The following ATP2A2 variants were observed in gnomAD, a reference collection of about 807,000 sequenced individuals.
ATP2A2 encodes ATPase sarcoplasmic/endoplasmic reticulum Ca2+ transporting 2.
Under a neutral mutation model 109.3 loss-of-function variants are expected in ATP2A2, and 14 were observed. The observed-to-expected ratio is 0.13, with a 90% confidence interval of 0.08 to 0.20. The LOEUF (loss-of-function observed/expected upper bound fraction) is 0.20. ATP2A2 is among the 10% of genes least tolerant of loss of function. The pLI, the probability that ATP2A2 is intolerant of heterozygous loss-of-function variation, is 1.00. For synonymous variants in ATP2A2, 506 were observed against 490.9 expected, an observed-to-expected ratio of 1.03 and a Z score of -0.41; for missense variants, 657 against 1,321.6, an observed-to-expected ratio of 0.50 and a Z score of 7.80.
chr12:110,316,491 G>A (rs1592831891), intron 5 of ATP2A2, among the ~76,000 whole-genome samples: 1 of 152,240 alleles, frequency 6.6e-6, no homozygotes, highest in Admixed American at 6.5e-5. Context: ...CTTCAACTTG[G>A]TAATTAGAAG....
chr12:110,334,877 C>T (rs1198007984), intron 11 of ATP2A2, among the ~76,000 whole-genome samples: 4 of 152,108 alleles, frequency 2.6e-5, no homozygotes, highest in African/African-American at 4.8e-5. Context: ...CATGAGCCAC[C>T]GCGCCTGGGC....
rs1402243674 is a variant in ATP2A2 at position 110,281,574 on chromosome 12, C to T, written c.-216C>T. 9.2e-6 allele frequency: 3 copies of T among 326,926 alleles called. No individual in the cohort carries two copies. The highest frequency in any genetic ancestry group is 5.7e-5 in the East Asian group (1 of 17,682). 20.3% of individuals were successfully genotyped at this position (326,926 alleles called of 1,614,324 possible). ...GGGTGGGTCAGGAGCCCCCAACCCG[C>T]CCTGCGGAGCTCGGGGCCGCGCGAG... is the stretch of plus-strand genomic sequence containing the variant. On this transcript the variant is annotated 5_prime_UTR_variant, in exon 1 of 20. Coordinates refer to ENST00000539276, the MANE Select transcript of ATP2A2 (RefSeq NM_170665.4).
At chr12:110,289,536 TTGG>T (rs372153163) in intron 3 of ATP2A2, among the ~76,000 whole-genome samples, 3 of 152,232 alleles carry the variant, frequency 2.0e-5, no homozygotes, top group Admixed American at 6.5e-5. Context: ...CTGTCAGGAC[TTGG>T]TGGTCCTGGT....
chr12:110,334,640 T>C (rs1878664816), intron 11 of ATP2A2, among the ~76,000 whole-genome samples: 1 of 143,464 alleles, frequency 7.0e-6, no homozygotes, highest in Admixed American at 7.5e-5. Flanking sequence ...CAGATTGGAG[T>C]GCCATGGCGC....
intron 5 of ATP2A2, among the ~76,000 whole-genome samples, chr12:110,320,162 T>C (rs1262163276): frequency 6.6e-6 from 1 of 152,192 alleles, no homozygotes; most frequent in Non-Finnish European, 1.5e-5. Context: ...GCAAAACACA[T>C]GCCAAAACAT....
At chr12:110,333,931 T>C in intron 10 of ATP2A2, 81 bp from the exon 11 acceptor site, 1 of 1,595,868 alleles carries the variant, frequency 6.3e-7, no homozygotes, top group Non-Finnish European at 8.6e-7. Flanking sequence ...GATTGTGCTT[T>C]TGTGGAAAAA....
intron 11 of ATP2A2, among the ~76,000 whole-genome samples, chr12:110,336,139 GACCT>G (rs1386059196): frequency 6.6e-6 from 1 of 152,156 alleles, no homozygotes; most frequent in Non-Finnish European, 1.5e-5. Flanking sequence ...TTTAGCATCA[GACCT>G]ACCTGTCTGT....
rs566406319 is a variant in ATP2A2 at position 110,297,250 on chromosome 12, C to G, written c.463+513C>G. Among the ~76,000 whole-genome samples, 229 of 152,022 alleles carry G rather than the reference C, an allele frequency of 1.5e-3. 1 individual carries two copies. The highest frequency in any genetic ancestry group is 3.4e-3 in the Middle Eastern group (1 of 294). On this transcript the variant is annotated intron_variant, in intron 5 of 19. Transcript: ENST00000539276. The stretch of plus-strand genomic sequence containing the variant: ...GTCAAGAGATTGAGACCACCCTGGC[C>G]AACATGAAACCTCATCTCTACTAAA...
chr12:110,341,021 G>T, intron 14 of ATP2A2, 27 bp downstream of exon 14: 1 of 1,611,650 alleles, frequency 6.2e-7, no homozygotes, highest in South Asian at 1.1e-5. Context: ...ATGTACAGGT[G>T]ACTCAGGCTA....
At chr12:110,304,577 T>A (rs1875055930) in intron 5 of ATP2A2, among the ~76,000 whole-genome samples, 1 of 152,240 alleles carries the variant, frequency 6.6e-6, no homozygotes, top group Admixed American at 6.5e-5. Context: ...ATCGGTGTGT[T>A]TTCTTTGGAG....
At position 110,291,229 on chromosome 12, in the gene ATP2A2, A is replaced by T. The variant is rs557970011; in HGVS notation, c.220-791A>T. Among the ~76,000 whole-genome samples, 5 of 135,436 alleles carry T rather than the reference A, an allele frequency of 3.7e-5. No individual in the cohort carries two copies. In the East Asian group the frequency reaches 8.8e-4, roughly 24 times the overall value. 88.9% of individuals were successfully genotyped at this position (135,436 alleles called of 152,430 possible). A position where few individuals can be genotyped will look rare whatever the true frequency, so the allele number is the denominator to read the frequency against. On this transcript the variant is annotated intron_variant, in intron 3 of 19. Transcript: ENST00000539276. ...GGCTTTTTTTTTTGTTTTGAGACCGAGTCTTGCTCTGTTGCCCAGGCTGGA... is the reference window on the plus strand; with the variant it reads ...GGCTTTTTTTTTTGTTTTGAGACCGTGTCTTGCTCTGTTGCCCAGGCTGGA...
At chr12:110,292,807 A>G (rs1045275706) in intron 4 of ATP2A2, among the ~76,000 whole-genome samples, 1 of 152,140 alleles carries the variant, frequency 6.6e-6, no homozygotes, top group African/African-American at 2.4e-5. Flanking sequence ...TTCATTCTTT[A>G]CGGTAGCAAG....
intron 5 of ATP2A2, among the ~76,000 whole-genome samples, chr12:110,318,057 T>G (rs1333422044): frequency 6.6e-6 from 1 of 152,232 alleles, no homozygotes; most frequent in East Asian, 1.9e-4. Context: ...CCACTACCAC[T>G]TGCCCTAAGA....
rs1221290605 is a variant in ATP2A2 at position 110,349,191 on chromosome 12, TCAG to T, written c.*2724_*2726del. On this transcript the variant is annotated 3_prime_UTR_variant, in exon 20 of 20. Coordinates refer to ENST00000539276, the MANE Select transcript of ATP2A2 (RefSeq NM_170665.4). ...GAAGGCTTTGCTGGGTGAAAACACTTCAGCATCTCCTCCTCAGGTCAACCCATA... is the reference window on the plus strand; with the variant it reads ...GAAGGCTTTGCTGGGTGAAAACACTTCATCTCCTCCTCAGGTCAACCCATA... 1.0e-6 allele frequency: 1 copy of T among 985,586 alleles called. No individual in the cohort carries two copies. The highest frequency in any genetic ancestry group is 1.2e-6 in the Non-Finnish European group (1 of 830,062). 61.1% of individuals were successfully genotyped at this position (985,586 alleles called of 1,614,324 possible). A position where few individuals can be genotyped will look rare whatever the true frequency, so the allele number is the denominator to read the frequency against.
At chr12:110,291,099 G>C (rs1015858242) in intron 3 of ATP2A2, among the ~76,000 whole-genome samples, 2 of 152,088 alleles carry the variant, frequency 1.3e-5, no homozygotes, top group Admixed American at 1.3e-4. Flanking sequence ...GTAGAGATAG[G>C]GTTTCTTCGT....
chr12:110,326,064 C>T (rs1245611520), intron 6 of ATP2A2: 4 of 360,310 alleles, frequency 1.1e-5, no homozygotes, highest in Non-Finnish European at 2.1e-5. Flanking sequence ...ATAATACAGT[C>T]ACAGTATCAG....
chr12:110,316,993 A>T (rs1876735123), intron 5 of ATP2A2, among the ~76,000 whole-genome samples: 1 of 152,204 alleles, frequency 6.6e-6, no homozygotes, highest in Non-Finnish European at 1.5e-5. Context: ...TCTAAGAAAC[A>T]GATTGGGAGC....
rs1419582784 is a variant in ATP2A2, at chr12:110,281,841, G to C, written c.52G>C (p.Val18Leu). The change falls in exon 1 of 20, where the codon GTC becomes CTC. Residue 18 changes from valine to leucine, a missense_variant. This residue lies in a region of ATP2A2 where 64 missense variants were observed against 65.4 expected (regional missense o/e 0.98). Coordinates refer to ENST00000539276, the MANE Select transcript of ATP2A2 (RefSeq NM_170665.4). ...GGAGGAGGTGCTGGGCCACTTCGGC[G>C]TCAACGAGAGTACGGGGCTGAGCCT... ...TVEEVLGHFG[V>L]NESTGLSLEQ... 6.4e-7 allele frequency: 1 copy of C among 1,566,876 alleles called. No homozygotes were observed. The highest frequency in any genetic ancestry group is 8.6e-7 in the Non-Finnish European group (1 of 1,158,406).
In ATP2A2 at chr12:110,342,404, G is replaced by A; in HGVS notation, c.2274G>A (p.Gln758=). 3 of 1,614,098 alleles carry A rather than the reference G, an allele frequency of 1.9e-6. No individual in the cohort carries two copies. Among genetic ancestry groups the A allele is most frequent in the Non-Finnish European group, 2.5e-6 (3 of 1,180,036 alleles). The part of the protein sequence containing the change: ...EGRAIYNNMK[Q]FIRYLISSNV... Reference sequence around the variant, plus strand: ...GGGCAATCTACAACAACATGAAACAGTTCATCCGCTACCTCATCTCGTCCA... The same window carrying A: ...GGGCAATCTACAACAACATGAAACAATTCATCCGCTACCTCATCTCGTCCA... Residue 758 remains glutamine, a synonymous_variant, in exon 15 of 20, where the codon CAG becomes CAA. Transcript: ENST00000539276. The surrounding 1 kb of genome is among the most constrained non-coding windows in gnomAD (Gnocchi z 4.6).
Sources: gnomAD v4.1 joint callset for allele counts (sites outside exome capture counted in the v4.1 genomes callset) on GRCh38, gnomAD v4.1.1 for gene constraint, gnomAD v4.1.1 regional missense constraint, Gnocchi (gnomAD v3.1) non-coding constraint, MANE v1.5 for transcripts, NCBI Gene and HGNC (gene_info 2026-07-23, HGNC 2026-07-21) for gene names.